The following DYRK1A variants were observed in gnomAD, a reference collection of about 807,000 sequenced individuals.
The protein encoded by DYRK1A is dual specificity tyrosine phosphorylation regulated kinase 1A.
In DYRK1A, 9 loss-of-function variants were observed where a neutral mutation model predicts 79.7. The observed-to-expected ratio is 0.11, with a 90% confidence interval of 0.07 to 0.20. The LOEUF is 0.20. Among genes scored for constraint, DYRK1A ranks in the 10% least tolerant of loss-of-function variants. The pLI, the probability that DYRK1A is intolerant of heterozygous loss-of-function variation, is 1.00. For missense variants in DYRK1A, 622 were observed against 956.0 expected, an observed-to-expected ratio of 0.65 and a Z score of 4.61; for synonymous variants, 349 against 329.7, an observed-to-expected ratio of 1.06 and a Z score of -0.63.
At chr21:37,460,388 G>A (rs147157739) in intron 2 of DYRK1A, among the ~76,000 whole-genome samples, 1,530 of 152,206 alleles carry the variant, frequency 0.01, 8 homozygotes, top group Non-Finnish European at 0.016. Context: ...CAAAAGGGGT[G>A]GGGGAGTCTT....
At chr21:37,468,171 G>A (rs2052097144) in intron 2 of DYRK1A, among the ~76,000 whole-genome samples, 1 of 152,078 alleles carries the variant, frequency 6.6e-6, no homozygotes, top group Non-Finnish European at 1.5e-5. Context: ...ACATACAGTG[G>A]CACAATCATA....
rs143156892 is a variant in DYRK1A, at chr21:37,367,381, A to C, written c.-324A>C. 0.13 allele frequency: 18,837 copies of C among 148,502 alleles called. 1,401 individuals are homozygous for C. The highest frequency in any genetic ancestry group is 0.16 in the Non-Finnish European group (10,697 of 66,594). 9.2% of individuals were successfully genotyped at this position (148,502 alleles called of 1,614,324 possible). ...CGGCCGTGCGGCCCCGCCGCCTGGA[A>C]TCGGGGCCCGGGGACTGCGGTATTT... On this transcript the variant is annotated 5_prime_UTR_variant, in exon 1 of 12. Coordinates refer to ENST00000647188, the MANE Select transcript of DYRK1A (RefSeq NM_001347721.2).
intron 1 of DYRK1A, among the ~76,000 whole-genome samples, chr21:37,403,659 A>ATG (rs1481509376): frequency 1.4e-4 from 18 of 125,354 alleles, no homozygotes; most frequent in African/African-American, 3.3e-4. Context: ...ATATATATAT[A>ATG]TATATGTGTG....
At chr21:37,509,606 C>T (rs1177160318) in intron 11 of DYRK1A, among the ~76,000 whole-genome samples, 2 of 152,102 alleles carry the variant, frequency 1.3e-5, no homozygotes, top group Non-Finnish European at 2.9e-5. Context: ...CCCAGCACAC[C>T]CTGCAGTGAG....
At chr21:37,388,936 G>A (rs2049816175) in intron 1 of DYRK1A, among the ~76,000 whole-genome samples, 1 of 150,106 alleles carries the variant, frequency 6.7e-6, no homozygotes, top group African/African-American at 2.5e-5. Flanking sequence ...GAGCCACTGC[G>A]CCCAGCCAAA....
intron 1 of DYRK1A, among the ~76,000 whole-genome samples, chr21:37,400,156 G>A (rs1468786276): frequency 6.6e-6 from 1 of 152,040 alleles, no homozygotes; most frequent in Non-Finnish European, 1.5e-5. Context: ...TTGACTTGTG[G>A]CCACATTACC....
chr21:37,509,434 G>A (rs1164576595), intron 11 of DYRK1A, among the ~76,000 whole-genome samples: 2 of 152,086 alleles, frequency 1.3e-5, no homozygotes, highest in African/African-American at 2.4e-5. Context: ...TTCCCCTATT[G>A]TTTGTTTATT....
At chr21:37,429,389 GA>G (rs1441982528) in intron 2 of DYRK1A, among the ~76,000 whole-genome samples, 1 of 152,164 alleles carries the variant, frequency 6.6e-6, no homozygotes, top group African/African-American at 2.4e-5. Flanking sequence ...ATGAAGAAAA[GA>G]GTTTTAATTG....
In DYRK1A at chr21:37,429,684, G is replaced by T. The variant is rs557389937; in HGVS notation, c.10+9300G>T. On this transcript the variant is annotated intron_variant, in intron 2 of 11. Coordinates refer to ENST00000647188, the MANE Select transcript of DYRK1A (RefSeq NM_001347721.2). Reference sequence around the variant, plus strand: ...TACAGCTTGACGTGAGATTTGTGTGGGGACACATATCCAAAACATAATCAC... The same window carrying T: ...TACAGCTTGACGTGAGATTTGTGTGTGGACACATATCCAAAACATAATCAC... Among the ~76,000 whole-genome samples the T allele has an allele frequency of 1.2e-3, 188 of 152,252 alleles. 1 individual carries two copies. The highest frequency in any genetic ancestry group is 4.3e-3 in the African/African-American group (178 of 41,550).
chr21:37,451,218 T>A (rs1049521343), intron 2 of DYRK1A, among the ~76,000 whole-genome samples: 1 of 152,202 alleles, frequency 6.6e-6, no homozygotes, highest in Non-Finnish European at 1.5e-5. Flanking sequence ...CTAAAGTTAA[T>A]TTATTACTGA....
intron 2 of DYRK1A, among the ~76,000 whole-genome samples, chr21:37,460,476 C>T (rs2051804661): frequency 6.6e-6 from 1 of 152,086 alleles, no homozygotes; most frequent in Admixed American, 6.6e-5. Context: ...CCACTAGCCT[C>T]CAGTCAAAGT....
At chr21:37,484,268 A>C (rs2052767688) in intron 5 of DYRK1A, among the ~76,000 whole-genome samples, 2 of 151,844 alleles carry the variant, frequency 1.3e-5, no homozygotes, top group East Asian at 1.9e-4. Flanking sequence ...CTAGACCTAG[A>C]GAGTGCTACC....
chr21:37,428,913 G>A (rs112308507), intron 2 of DYRK1A: 2 of 152,240 alleles, frequency 1.3e-5, no homozygotes, highest in African/African-American at 4.8e-5. Context: ...TTACAGGTAT[G>A]AGCCACCGTG....
At chr21:37,405,239 G>A (rs1283865747) in intron 1 of DYRK1A, among the ~76,000 whole-genome samples, 1 of 152,162 alleles carries the variant, frequency 6.6e-6, no homozygotes, top group Non-Finnish European at 1.5e-5. Flanking sequence ...GGCAGATGCT[G>A]TGGGTCCCAA....
intron 2 of DYRK1A, among the ~76,000 whole-genome samples, chr21:37,452,757 GTTTT>G (rs35209884): frequency 5.8e-4 from 56 of 96,508 alleles, no homozygotes; most frequent in African/African-American, 1.6e-3. Context: ...TCACACTCCC[GTTTT>G]TTTTTTTTTT....
At chr21:37,440,941 T>C (rs1470756276) in intron 2 of DYRK1A, among the ~76,000 whole-genome samples, 4 of 152,168 alleles carry the variant, frequency 2.6e-5, no homozygotes, top group Admixed American at 1.3e-4. Flanking sequence ...TGATCAGATC[T>C]TGTATATCTT....
intron 2 of DYRK1A, among the ~76,000 whole-genome samples, chr21:37,458,099 C>G (rs752469787): frequency 6.6e-6 from 1 of 152,156 alleles, no homozygotes; most frequent in Admixed American, 6.5e-5. Context: ...AAGCAGGCAC[C>G]TTTCAACTTT....
rs543166084 is a variant in DYRK1A at position 37,396,801 on chromosome 21, G to T, written c.-76-23498G>T. Among the ~76,000 whole-genome samples, 4 of 152,264 alleles carry T rather than the reference G, an allele frequency of 2.6e-5. No individual in the cohort carries two copies. In the East Asian group the frequency reaches 7.7e-4, roughly 29 times the overall value. On this transcript the variant is annotated intron_variant, in intron 1 of 11. Transcript: ENST00000647188. The stretch of plus-strand genomic sequence containing the variant: ...TCCTCAACTGATGTAGTTGTGAGAA[G>T]GAATTAGTTCCATTTATCATGTAGA...
At chr21:37,508,002 A>G (rs2053646252) in intron 11 of DYRK1A, among the ~76,000 whole-genome samples, 1 of 152,066 alleles carries the variant, frequency 6.6e-6, no homozygotes, top group Non-Finnish European at 1.5e-5. Context: ...CAACGCTTCT[A>G]CTTTTGCCAT....
Sources: allele counts gnomAD v4.1 joint callset (sites outside exome capture counted in the v4.1 genomes callset), GRCh38; gene constraint gnomAD v4.1.1; transcripts MANE v1.5; gene names NCBI Gene and HGNC (gene_info 2026-07-23, HGNC 2026-07-21).